The following HGD variants were observed in gnomAD, a reference collection of about 807,000 sequenced individuals.
HGD encodes homogentisate 1,2-dioxygenase.
Under a neutral mutation model 60.8 loss-of-function variants are expected in HGD, and 61 were observed. That is an observed-to-expected ratio of 1.00 (90% CI 0.82 to 1.24). HGD has a LOEUF of 1.24. HGD is among the 50% of genes most tolerant of loss of function. The pLI, the probability that HGD is intolerant of heterozygous loss-of-function variation, is 0.00. For synonymous variants in HGD, 212 were observed against 187.7 expected, an observed-to-expected ratio of 1.13 and a Z score of -1.06; for missense variants, 542 against 547.1, an observed-to-expected ratio of 0.99 and a Z score of 0.09.
intron 12 of HGD, chr3:120,633,558 G>T (rs182166673): frequency 4.3e-5 from 63 of 1,465,668 alleles, no homozygotes; most frequent in Middle Eastern, 3.6e-4. Flanking sequence ...CAGAGGTCTC[G>T]AGTTCCACTC....
At chr3:120,657,855 AAGAG>A (rs1191019099) in intron 4 of HGD, among the ~76,000 whole-genome samples, 2 of 151,128 alleles carry the variant, frequency 1.3e-5, no homozygotes, top group Admixed American at 6.6e-5. Context: ...GAGAGAAAGA[AAGAG>A]AGAGAGAGAG....
intron 4 of HGD, among the ~76,000 whole-genome samples, chr3:120,663,577 AG>A (rs2107537425): frequency 6.6e-6 from 1 of 152,306 alleles, no homozygotes; most frequent in African/African-American, 2.4e-5. Flanking sequence ...ATTCTAGTTC[AG>A]GACCTTGAAG....
rs749852006 is a variant in HGD, at chr3:120,646,375, G to T, written c.550-9C>A. Reference sequence around the variant, plus strand: ...CTGAACCGCATTCCTCTCTGGAATGGAAAGCAGACACTGGTGTGCCCTCTG... The same window carrying T: ...CTGAACCGCATTCCTCTCTGGAATGTAAAGCAGACACTGGTGTGCCCTCTG... On this transcript the variant is annotated splice_polypyrimidine_tract_variant and intron_variant, in intron 8 of 13. Coordinates refer to ENST00000283871, the MANE Select transcript of HGD (RefSeq NM_000187.4). 49 of 1,554,494 alleles carry T rather than the reference G, an allele frequency of 3.2e-5. No homozygotes were observed. Among genetic ancestry groups the T allele is most frequent in the Non-Finnish European group, 4.0e-5 (45 of 1,125,898 alleles).
At chr3:120,651,176 A>C (rs1442921620) in intron 5 of HGD, among the ~76,000 whole-genome samples, 1 of 152,198 alleles carries the variant, frequency 6.6e-6, no homozygotes, top group Non-Finnish European at 1.5e-5. Flanking sequence ...CATCAACTGG[A>C]AGAAGAGATT....
At chr3:120,676,280 T>C (rs745447312) in intron 1 of HGD, among the ~76,000 whole-genome samples, 3 of 152,228 alleles carry the variant, frequency 2.0e-5, no homozygotes, top group Non-Finnish European at 4.4e-5. Context: ...CAGAAGCCTC[T>C]GCTATCTGCC....
At chr3:120,633,571 T>C in intron 12 of HGD, 1 of 1,449,156 alleles carries the variant, frequency 6.9e-7, no homozygotes, top group South Asian at 1.2e-5. Flanking sequence ...TTCCACTCTC[T>C]GACAGGAATC....
intron 13 of HGD, among the ~76,000 whole-genome samples, chr3:120,630,380 C>T (rs1186847030): frequency 6.6e-6 from 1 of 152,052 alleles, no homozygotes; most frequent in African/African-American, 2.4e-5. Context: ...AAGTATACTA[C>T]AAGGCTACAG....
At chr3:120,639,302 A>G (rs1032995691) in intron 11 of HGD, among the ~76,000 whole-genome samples, 7 of 152,168 alleles carry the variant, frequency 4.6e-5, no homozygotes, top group Admixed American at 3.9e-4. Flanking sequence ...AAAGATGCAG[A>G]AGTTGGTTTT....
At chr3:120,634,704 C>A (rs1940703389) in intron 12 of HGD, among the ~76,000 whole-genome samples, 3 of 152,154 alleles carry the variant, frequency 2.0e-5, no homozygotes, top group Non-Finnish European at 4.4e-5. Flanking sequence ...GTTACAAAAT[C>A]AAACACTGGA....
At chr3:120,663,558 T>C (rs1306798935) in intron 4 of HGD, among the ~76,000 whole-genome samples, 2 of 152,158 alleles carry the variant, frequency 1.3e-5, no homozygotes, top group Non-Finnish European at 2.9e-5. Flanking sequence ...ACAGTCAAAC[T>C]ATATCAAGAT....
chr3:120,671,651 G>GGAATAT (rs1371568477), intron 3 of HGD, among the ~76,000 whole-genome samples: 1 of 152,124 alleles, frequency 6.6e-6, no homozygotes, highest in Non-Finnish European at 1.5e-5. Flanking sequence ...TATACCCAAA[G>GGAATAT]GAATATAAAT....
chr3:120,643,425 A>G (rs2107505563), intron 10 of HGD, among the ~76,000 whole-genome samples: 1 of 152,322 alleles, frequency 6.6e-6, no homozygotes, highest in Non-Finnish European at 1.5e-5. Flanking sequence ...TGCCCAGCCT[A>G]GGATCTGAAT....
chr3:120,649,671 G>C (rs1941277635), intron 6 of HGD, among the ~76,000 whole-genome samples: 1 of 152,156 alleles, frequency 6.6e-6, no homozygotes, highest in African/African-American at 2.4e-5. Flanking sequence ...CAACTGAAAG[G>C]CACCCTGGGT....
chr3:120,644,581 C>G, intron 9 of HGD, 138 bp from the exon 10 acceptor site: 1 of 1,547,688 alleles, frequency 6.5e-7, no homozygotes, highest in Non-Finnish European at 8.7e-7. Flanking sequence ...AGATTCACTG[C>G]ATTTCCAGTC....
At chr3:120,664,136 T>C (rs1240368718) in intron 4 of HGD, among the ~76,000 whole-genome samples, 1 of 151,994 alleles carries the variant, frequency 6.6e-6, no homozygotes, top group African/African-American at 2.4e-5. Flanking sequence ...GGGTAGGGGA[T>C]CTACAGTGCA....
chr3:120,670,982 T>C (rs1389721521), intron 3 of HGD, among the ~76,000 whole-genome samples: 9 of 152,200 alleles, frequency 5.9e-5, no homozygotes, highest in Admixed American at 5.9e-4. Flanking sequence ...TTTGTTATTT[T>C]TGAAATAGTA....
At chr3:120,655,466 C>G (rs1941466848) in intron 4 of HGD, among the ~76,000 whole-genome samples, 1 of 152,182 alleles carries the variant, frequency 6.6e-6, no homozygotes, top group Admixed American at 6.5e-5. Context: ...GCCCTGATGG[C>G]AGAAGATTAT....
chr3:120,652,651 G>C lies in HGD; in HGVS notation c.283C>G (p.Leu95Val). 6.2e-7 allele frequency: 1 copy of C among 1,610,780 alleles called. No homozygotes were observed. The highest frequency in any genetic ancestry group is 1.1e-5 in the South Asian group (1 of 90,964). ...WDEVDPDPNQLRWKPFEIPKA... is the reference protein window; with the variant it reads ...WDEVDPDPNQVRWKPFEIPKA... ...GGAATCTCAAATGGTTTCCATCTAAGCTGGAAAAAAAATACACATACAGAA... is the reference window on the plus strand; with the variant it reads ...GGAATCTCAAATGGTTTCCATCTAACCTGGAAAAAAAATACACATACAGAA... Residue 95 changes from leucine to valine, a missense_variant and splice_region_variant, in exon 5 of 14, where the codon CTT becomes GTT. Leu to Val is a conservative substitution (Grantham distance 32, BLOSUM62 1). Transcript: ENST00000283871.
In HGD at chr3:120,647,165, T is replaced by G. The variant is rs1484416825; in HGVS notation, c.470-113A>C. On this transcript the variant is annotated intron_variant, in intron 7 of 13. Transcript: ENST00000283871. ...TTTTCCATTCCAAATGCAAAGAGCTTTATTGAGTCTCTTGGGGAAAAAGAT... is the reference window on the plus strand; with the variant it reads ...TTTTCCATTCCAAATGCAAAGAGCTGTATTGAGTCTCTTGGGGAAAAAGAT... The G allele has an allele frequency of 2.7e-5, 21 of 791,762 alleles. No individual in the cohort carries two copies. The East Asian group carries it at 5.3e-4, about 20-fold the overall frequency. The allele number at this position is 791,762 out of a possible 1,614,324, so 49.0% of individuals were successfully genotyped here. A position where few individuals can be genotyped will look rare whatever the true frequency, so the allele number is the denominator to read the frequency against.
Sources: gnomAD v4.1 joint callset for allele counts (sites outside exome capture counted in the v4.1 genomes callset) on GRCh38, gnomAD v4.1.1 for gene constraint, MANE v1.5 for transcripts, NCBI Gene and HGNC (gene_info 2026-07-23, HGNC 2026-07-21) for gene names.